The following TEK variants were observed in gnomAD, a reference collection of about 807,000 sequenced individuals.
TEK encodes angiopoietin-1 receptor.
TEK carries 43 observed loss-of-function variants against 131.8 expected under a neutral mutation model. That is an observed-to-expected ratio of 0.33 (90% CI 0.26 to 0.42). The LOEUF is 0.42. Among genes scored for constraint, TEK ranks in the 10% least tolerant of loss-of-function variants. The pLI is 1.00. For synonymous variants in TEK, 580 were observed against 491.6 expected (o/e 1.18, Z -2.38); for missense variants, 1,162 against 1,384.4 (o/e 0.84, Z 2.55).
intron 2 of TEK, among the ~76,000 whole-genome samples, chr9:27,161,095 G>C (rs1348292490): frequency 6.6e-6 from 1 of 152,176 alleles, no homozygotes; most frequent in South Asian, 2.1e-4. Flanking sequence ...AACATGTAAA[G>C]CAAACTGGAC....
At chr9:27,135,583 G>A (rs145211855) in intron 1 of TEK, among the ~76,000 whole-genome samples, 66 of 151,932 alleles carry the variant, frequency 4.3e-4, no homozygotes, top group African/African-American at 1.6e-3. Context: ...TTTTTCGTAT[G>A]TATGTATACA....
Position 27,180,226 on chromosome 9 carries a change from G to A in TEK, c.902-14G>A, listed in dbSNP as rs761886420. On this transcript the variant is annotated splice_polypyrimidine_tract_variant and intron_variant, in intron 6 of 22. Transcript: ENST00000380036. Reference sequence around the variant, plus strand: ...CCTGGATTAATACTGGTTTTTTGATGTCTCTGTTTACAGCATGCCACCCTG... The same window carrying A: ...CCTGGATTAATACTGGTTTTTTGATATCTCTGTTTACAGCATGCCACCCTG... 1.2e-6 allele frequency: 2 copies of A among 1,613,562 alleles called. No homozygotes were observed. Among genetic ancestry groups the A allele is most frequent in the South Asian group, 1.1e-5 (1 of 91,062 alleles).
intron 1 of TEK, among the ~76,000 whole-genome samples, chr9:27,119,272 A>G (rs1005633788): frequency 6.6e-6 from 1 of 152,164 alleles, no homozygotes; most frequent in Non-Finnish European, 1.5e-5. Flanking sequence ...TAGTTCCTAG[A>G]AAATGAAGGT....
At chr9:27,111,108 T>C (rs552499239) in intron 1 of TEK, among the ~76,000 whole-genome samples, 1 of 152,322 alleles carries the variant, frequency 6.6e-6, no homozygotes, top group African/African-American at 2.4e-5. Flanking sequence ...CACTTTGCAA[T>C]ACAGGCTTAG....
chr9:27,118,351 C>A (rs1564034427), intron 1 of TEK, among the ~76,000 whole-genome samples: 1 of 152,094 alleles, frequency 6.6e-6, no homozygotes, highest in Non-Finnish European at 1.5e-5. Flanking sequence ...ATGTAAGTGA[C>A]CAGCCAGGTG....
At chr9:27,123,848 C>T (rs1326139244) in intron 1 of TEK, among the ~76,000 whole-genome samples, 1 of 152,226 alleles carries the variant, frequency 6.6e-6, no homozygotes, top group Non-Finnish European at 1.5e-5. Context: ...ATGATTTCGG[C>T]TCACTGCAAC....
intron 1 of TEK, among the ~76,000 whole-genome samples, chr9:27,142,316 G>C (rs1167608030): frequency 1.3e-5 from 2 of 152,292 alleles, no homozygotes; most frequent in Non-Finnish European, 2.9e-5. Context: ...AAGATACTAA[G>C]TTCTTACTGG....
chr9:27,160,529 T>G (rs1370560004), intron 2 of TEK, among the ~76,000 whole-genome samples: 2 of 152,186 alleles, frequency 1.3e-5, no homozygotes, highest in African/African-American at 4.8e-5. Context: ...GATTATGCAG[T>G]TCTACCCAGG....
intron 13 of TEK, among the ~76,000 whole-genome samples, chr9:27,204,595 A>C (rs1312761486): frequency 1.3e-5 from 2 of 152,200 alleles, no homozygotes; most frequent in East Asian, 1.9e-4. Context: ...CCTATTATTC[A>C]ACATTGTTCA....
chr9:27,201,760 A>T (rs1587006567), intron 12 of TEK, among the ~76,000 whole-genome samples: 1 of 152,244 alleles, frequency 6.6e-6, no homozygotes, highest in East Asian at 1.9e-4. Flanking sequence ...GTTTATAAGC[A>T]GTAACTTTCA....
intron 11 of TEK, among the ~76,000 whole-genome samples, chr9:27,194,886 G>A (rs1312876208): frequency 2.0e-5 from 3 of 152,092 alleles, no homozygotes; most frequent in Admixed American, 2.0e-4. Context: ...GGGAGGGGAA[G>A]GAAGAGAACA....
intron 21 of TEK, among the ~76,000 whole-genome samples, chr9:27,225,326 C>T (rs1330035821): frequency 6.6e-6 from 1 of 152,150 alleles, no homozygotes; most frequent in African/African-American, 2.4e-5. Context: ...ATCAAGCTAC[C>T]TGACTTCAAA....
At chr9:27,219,021 C>A (rs1481073080) in intron 20 of TEK, among the ~76,000 whole-genome samples, 4 of 112,656 alleles carry the variant, frequency 3.6e-5, no homozygotes, top group Non-Finnish European at 5.7e-5. Context: ...ACACTAATGA[C>A]CTGGAGGCCA....
In TEK at chr9:27,208,859, G is replaced by T. The variant is rs641848; in HGVS notation, c.2576-262G>T. Among the ~76,000 whole-genome samples, 50,777 of 152,110 alleles carry T rather than the reference G, an allele frequency of 0.33. 8,629 individuals carry two copies. The highest frequency in any genetic ancestry group is 0.39 in the Admixed American group (5,960 of 15,292). On this transcript the variant is annotated intron_variant, in intron 15 of 22. Coordinates refer to ENST00000380036, the MANE Select transcript of TEK (RefSeq NM_000459.5). ...TTTGGCAATATCTGGATACATTTTT[G>T]ATTGGCTATTGGCATCTAGTTAGTA...
Position 27,158,157 on chromosome 9 carries a change from A to G in TEK, c.364+15A>G. 6.2e-7 allele frequency: 1 copy of G among 1,613,934 alleles called. No individual in the cohort carries two copies. Among genetic ancestry groups the G allele is most frequent in the Non-Finnish European group, 8.5e-7 (1 of 1,179,988 alleles). ...GCGTCAACAAGGTAACATGCCCCTA[A>G]GTTTTGGGCAGGTGAGGCCCACTGA... On this transcript the variant is annotated intron_variant, in intron 2 of 22. Coordinates refer to ENST00000380036, the MANE Select transcript of TEK (RefSeq NM_000459.5).
intron 19 of TEK, 35 bp downstream of exon 19, chr9:27,217,793 T>TTC (rs199961950): frequency 8.3e-5 from 130 of 1,568,624 alleles, no homozygotes; most frequent in South Asian, 5.1e-4. Flanking sequence ...GGATTTTTTT[T>TTC]CCCTCCCAGA....
intron 21 of TEK, among the ~76,000 whole-genome samples, chr9:27,220,980 T>G (rs1826048790): frequency 6.6e-6 from 1 of 152,216 alleles, no homozygotes; most frequent in African/African-American, 2.4e-5. Flanking sequence ...CCAAGTGGTC[T>G]AGCTCAGTGG....
intron 3 of TEK, 125 bp from the exon 4 acceptor site, chr9:27,169,352 C>A: frequency 8.0e-7 from 1 of 1,251,574 alleles, no homozygotes; most frequent in Non-Finnish European, 1.2e-6. Context: ...TCTTCTCCCA[C>A]ATCCAATATG....
chr9:27,161,930 T>C (rs991022329), intron 2 of TEK, among the ~76,000 whole-genome samples: 1 of 152,272 alleles, frequency 6.6e-6, no homozygotes, highest in Non-Finnish European at 1.5e-5. Flanking sequence ...TGTAATTTCT[T>C]TGAGTAATAG....
Sources: allele counts gnomAD v4.1 joint callset (sites outside exome capture counted in the v4.1 genomes callset), GRCh38; gene constraint gnomAD v4.1.1; transcripts MANE v1.5; gene names NCBI Gene and HGNC (gene_info 2026-07-23, HGNC 2026-07-21).